PLA2G6: variants seen among roughly 807,000 people sequenced by gnomAD.
The protein encoded by PLA2G6 is 85/88 kDa calcium-independent phospholipase A2.
PLA2G6 carries 62 observed loss-of-function variants against 83.8 expected under a neutral mutation model. The ratio of observed to expected loss-of-function variants is 0.74; its 90% CI spans 0.60 to 0.91. The LOEUF is 0.91. Ranked by LOEUF, PLA2G6 falls within the 40% of genes least tolerant of loss-of-function variation. The pLI is 0.00. For synonymous variants in PLA2G6, 417 were observed against 449.8 expected (o/e 0.93, Z 0.92); for missense variants, 944 against 1,102.0 (o/e 0.86, Z 2.03).
chr22:38,115,445 G>T, intron 14 of PLA2G6, 82 bp downstream of exon 14: 1 of 1,316,116 alleles, frequency 7.6e-7, no homozygotes, highest in Non-Finnish European at 1.1e-6. Context: ...CTGTCCTGGG[G>T]GTCGGTCCCT....
chr22:38,171,315 A>C lies in PLA2G6; in HGVS notation c.-45-1844T>G, dbSNP rs566810975. On this transcript the variant is annotated intron_variant, in intron 1 of 16. Coordinates refer to ENST00000332509, the MANE Select transcript of PLA2G6 (RefSeq NM_003560.4). ...CTGAGAAAGCCCTGATCCTTCTTCA[A>C]ATCCAAGCTTGGTTCTCGTGGTTCT... Among the ~76,000 whole-genome samples, 5 of 152,242 alleles carry C rather than the reference A, an allele frequency of 3.3e-5. No individual in the cohort carries two copies. In the East Asian group the frequency reaches 9.7e-4, roughly 29 times the overall value.
At chr22:38,162,223 G>GAAAAAAAAAAAAAAAAAAAAA (rs1275564882) in intron 2 of PLA2G6, among the ~76,000 whole-genome samples, 1 of 99,464 alleles carries the variant, frequency 1.0e-5, no homozygotes. Flanking sequence ...AAAAAAAAAA[G>GAAAAAAAAAAAAAAAAAAAAA]AAAAAAAAAA....
chr22:38,119,861 A>G (rs1306772256), intron 12 of PLA2G6, among the ~76,000 whole-genome samples: 1 of 152,104 alleles, frequency 6.6e-6, no homozygotes, highest in Non-Finnish European at 1.5e-5. Context: ...CAAGAAGAAA[A>G]ATATTTATAA....
chr22:38,112,545 C>A lies in PLA2G6; in HGVS notation c.2235G>T (p.Arg745=), dbSNP rs2086936325. 3 of 1,554,188 alleles carry A rather than the reference C, an allele frequency of 1.9e-6. No individual in the cohort carries two copies. Among genetic ancestry groups the A allele is most frequent in the Non-Finnish European group, 2.6e-6 (3 of 1,150,060 alleles). The change falls in exon 16 of 17, where the codon CGG becomes CGT. Residue 745 remains arginine (R), a synonymous_variant. Coordinates refer to ENST00000332509, the MANE Select transcript of PLA2G6 (RefSeq NM_003560.4). ...CTDPDGRAVD[R]ARAWCEMVGI... ...CGACCATCTCGCACCAGGCCCGTGC[C>A]CGGTCCACAGCCCGCCCGTCTGGAT...
Position 38,145,771 on chromosome 22 carries a change from C to A in PLA2G6, c.210-118G>T, listed in dbSNP as rs1041398208. On this transcript the variant is annotated intron_variant, in intron 2 of 16. Coordinates refer to ENST00000332509, the MANE Select transcript of PLA2G6 (RefSeq NM_003560.4). ...CGGCCTGGCCAGCTCCAGCCCGACTCCCCTCCCAAGCAAACACACACACAC... is the reference window on the plus strand; with the variant it reads ...CGGCCTGGCCAGCTCCAGCCCGACTACCCTCCCAAGCAAACACACACACAC... The A allele has an allele frequency of 9.6e-5, 61 of 635,734 alleles. No homozygotes were observed. In the Middle Eastern group the frequency reaches 3.3e-3, roughly 34 times the overall value. The allele number at this position is 635,734 out of a possible 1,614,324, so 39.4% of individuals were successfully genotyped here.
At chr22:38,119,643 T>C (rs145045744) in intron 12 of PLA2G6, among the ~76,000 whole-genome samples, 4 of 152,118 alleles carry the variant, frequency 2.6e-5, no homozygotes, top group Non-Finnish European at 5.9e-5. Context: ...CTGGACAACA[T>C]GGTGAAACCC....
At chr22:38,171,823 GAA>G (rs133004) in intron 1 of PLA2G6, among the ~76,000 whole-genome samples, 15,400 of 122,328 alleles carry the variant, frequency 0.13, 964 homozygotes, top group African/African-American at 0.17. Flanking sequence ...CTCCGTCTCA[GAA>G]AAAAAAAAAA....
chr22:38,150,965 T>C (rs528488332), intron 2 of PLA2G6, among the ~76,000 whole-genome samples: 6 of 152,256 alleles, frequency 3.9e-5, no homozygotes, highest in Non-Finnish European at 7.4e-5. Context: ...TGCATGCCTG[T>C]AGCCCCAGCT....
chr22:38,130,087 C>A, intron 7 of PLA2G6: 1 of 247,414 alleles, frequency 4.0e-6, no homozygotes, highest in Admixed American at 5.0e-5. Context: ...GGAGGCCGGG[C>A]AGGGGCGCAG....
chr22:38,162,485 G>A (rs1288650944), intron 2 of PLA2G6, among the ~76,000 whole-genome samples: 1 of 152,182 alleles, frequency 6.6e-6, no homozygotes, highest in African/African-American at 2.4e-5. Flanking sequence ...GAAAAGCACT[G>A]TGTGGGTGGA....
At position 38,115,531 on chromosome 22, in the gene PLA2G6, C is replaced by A. The variant is rs369038599; in HGVS notation, c.2030G>T (p.Arg677Leu). Residue 677 changes from arginine (R) to leucine (L), a missense_variant, in exon 14 of 17, where the codon CGC (arginine) becomes CTC (leucine). Arg to Leu is a moderately radical substitution (Grantham distance 102, BLOSUM62 -2). Transcript: ENST00000332509. ...EIHEYNQDLI[R>L]KGQANKVKKL... is the part of the protein sequence containing the mutation. ...CCTCTGGCCTACGGCACTCACCTTG[C>A]GGATCAGGTCCTGATTGTACTCATG... is the stretch of plus-strand genomic sequence containing the variant. The A allele has an allele frequency of 3.8e-5, 61 of 1,612,818 alleles. No individual in the cohort carries two copies. In the South Asian group the frequency reaches 6.3e-4, roughly 17 times the overall value.
In PLA2G6 at chr22:38,168,260, T is replaced by A. The variant is rs111546968; in HGVS notation, c.209+958A>T. On this transcript the variant is annotated intron_variant, in intron 2 of 16. Coordinates refer to ENST00000332509, the MANE Select transcript of PLA2G6 (RefSeq NM_003560.4). ...CTGGAGGTGCTTGGTGCATGTTGAA[T>A]GGATGGCTGACAGGACAGCCAGATG... is the stretch of plus-strand genomic sequence containing the variant. Among the ~76,000 whole-genome samples, 12 of 152,292 alleles carry A rather than the reference T, an allele frequency of 7.9e-5. 1 individual carries two copies. The highest frequency in any genetic ancestry group is 2.9e-4 in the African/African-American group (12 of 41,570).
intron 2 of PLA2G6, among the ~76,000 whole-genome samples, chr22:38,162,738 G>A (rs2090068325): frequency 6.6e-6 from 1 of 152,138 alleles, no homozygotes; most frequent in Non-Finnish European, 1.5e-5. Context: ...TGGTATTGTA[G>A]GGTGACAGAA....
At chr22:38,125,325 C>CGT (rs922572239) in intron 10 of PLA2G6, among the ~76,000 whole-genome samples, 1 of 151,818 alleles carries the variant, frequency 6.6e-6, no homozygotes, top group Admixed American at 6.6e-5. Context: ...TGCATGTGTG[C>CGT]GTGTGTGTGT....
intron 4 of PLA2G6, chr22:38,140,766 A>C (rs999942529): frequency 6.4e-6 from 1 of 155,494 alleles, no homozygotes; most frequent in African/African-American, 2.4e-5. Flanking sequence ...AAAGAGAGCC[A>C]GGGGCCAGGC....
In PLA2G6 at chr22:38,112,223, C is replaced by G. The variant is rs756904560; in HGVS notation, c.2359G>C (p.Val787Leu). The G allele has an allele frequency of 1.2e-6, 2 of 1,611,066 alleles. No individual in the cohort carries two copies. Among genetic ancestry groups the G allele is most frequent in the South Asian group, 2.2e-5 (2 of 90,560 alleles). Residue 787 changes from valine (V) to leucine (L), a missense_variant, in exon 17 of 17, where the codon GTC becomes CTC. Coordinates refer to ENST00000332509, the MANE Select transcript of PLA2G6 (RefSeq NM_003560.4). The part of the protein sequence containing the change: ...VLVNALWETE[V>L]YIYEHREEFQ... ...TCCTCGCGGTGCTCATAGATGTAGA[C>G]CTCGGTCTCCCAGAGGGCGTTGACC...
chr22:38,132,490 C>G lies in PLA2G6; in HGVS notation c.1077+341G>C. The G allele has an allele frequency of 2.3e-6, 1 of 432,458 alleles. No individual in the cohort carries two copies. Among genetic ancestry groups the G allele is most frequent in the East Asian group, 4.5e-5 (1 of 22,062 alleles). 26.8% of individuals were successfully genotyped at this position (432,458 alleles called of 1,614,324 possible). Reference sequence around the variant, plus strand: ...AGATAAGTATTGACACCACCATTTTCCAGATGAGGAAATCGAGGCTGACAG... The same window carrying G: ...AGATAAGTATTGACACCACCATTTTGCAGATGAGGAAATCGAGGCTGACAG... On this transcript the variant is annotated intron_variant, in intron 7 of 16. Coordinates refer to ENST00000332509, the MANE Select transcript of PLA2G6 (RefSeq NM_003560.4). The surrounding 1 kb of genome is among the most constrained non-coding windows in gnomAD (Gnocchi z 5.0).
intron 12 of PLA2G6, among the ~76,000 whole-genome samples, chr22:38,120,506 C>T (rs907229182): frequency 4.1e-5 from 6 of 147,628 alleles, no homozygotes; most frequent in Admixed American, 3.4e-4. Flanking sequence ...AGGGCAGAGC[C>T]GGGCAGGGCA....
intron 2 of PLA2G6, among the ~76,000 whole-genome samples, chr22:38,168,290 G>A (rs894778992): frequency 1.2e-4 from 19 of 152,228 alleles, no homozygotes; most frequent in African/African-American, 4.6e-4. Flanking sequence ...CAGATGGATA[G>A]GTGAGCGGAA....
Sources: gnomAD v4.1 joint callset for allele counts (sites outside exome capture counted in the v4.1 genomes callset) on GRCh38, gnomAD v4.1.1 for gene constraint, Gnocchi (gnomAD v3.1) non-coding constraint, MANE v1.5 for transcripts, NCBI Gene and HGNC (gene_info 2026-07-23, HGNC 2026-07-21) for gene names.